MYL2: variants seen among roughly 807,000 people sequenced by gnomAD.
MYL2 encodes the protein myosin light chain 2, also known as myosin regulatory light chain 2, ventricular/cardiac muscle isoform.
In MYL2, 19 loss-of-function variants were observed where a neutral mutation model predicts 23.0. The ratio of observed to expected loss-of-function variants is 0.83; its 90% CI spans 0.58 to 1.21. The LOEUF is 1.21. Ranked by LOEUF, MYL2 falls within the 50% of genes most tolerant of loss-of-function variation. MYL2 has a pLI of 0.00. For synonymous variants in MYL2, 78 were observed against 76.2 expected, an observed-to-expected ratio of 1.02 and a Z score of -0.13; for missense variants, 180 against 215.1, an observed-to-expected ratio of 0.84 and a Z score of 1.02.
In MYL2 at chr12:110,918,063, A is replaced by G. The variant is rs1204777920; in HGVS notation, c.93+1041T>C. On this transcript the variant is annotated intron_variant, in intron 2 of 6. Transcript: ENST00000228841. The surrounding 1 kb of genome is among the most constrained non-coding windows in gnomAD (Gnocchi z 4.4). ...GTGCCACTGCACTCTAGCCTGGGTG[A>G]CAGAGCGAGACTCTGTCACACGCAC... is the stretch of plus-strand genomic sequence containing the variant. Among the ~76,000 whole-genome samples, 1 of 152,180 alleles carries G rather than the reference A, an allele frequency of 6.6e-6. No homozygotes were observed. Among genetic ancestry groups the G allele is most frequent in the African/African-American group, 2.4e-5 (1 of 41,442 alleles).
chr12:110,919,034 G>T, intron 2 of MYL2, 70 bp downstream of exon 2: 1 of 1,436,616 alleles, frequency 7.0e-7, no homozygotes, highest in Non-Finnish European at 9.8e-7. Context: ...TGGGAATATG[G>T]AACAAAAAGA....
At chr12:110,911,629 T>C (rs754444146) in intron 6 of MYL2, among the ~76,000 whole-genome samples, 105 of 152,120 alleles carry the variant, frequency 6.9e-4, no homozygotes, top group Admixed American at 1.2e-3. Flanking sequence ...GTAAACATCA[T>C]GCAGAGATGT....
intron 6 of MYL2, among the ~76,000 whole-genome samples, chr12:110,912,059 A>C (rs2071656320): frequency 6.6e-6 from 1 of 152,202 alleles, no homozygotes; most frequent in Non-Finnish European, 1.5e-5. Context: ...AGCAGGTGGA[A>C]AGTGAAGGCA....
intron 2 of MYL2, among the ~76,000 whole-genome samples, chr12:110,916,759 C>G (rs1285669984): frequency 6.6e-6 from 1 of 152,114 alleles, no homozygotes; most frequent in Non-Finnish European, 1.5e-5. Context: ...GGTTGCACAA[C>G]TTTGTGAGTA....
Position 110,918,483 on chromosome 12 carries a change from G to A in MYL2, c.93+621C>T, listed in dbSNP as rs951936927. Among the ~76,000 whole-genome samples, 13 of 152,090 alleles carry A rather than the reference G, an allele frequency of 8.5e-5. No homozygotes were observed. The highest frequency in any genetic ancestry group is 1.3e-4 in the Non-Finnish European group (9 of 68,020). On this transcript the variant is annotated intron_variant, in intron 2 of 6. Coordinates refer to ENST00000228841, the MANE Select transcript of MYL2 (RefSeq NM_000432.4). This position sits in a 1 kb window ranked among gnomAD's most constrained non-coding sequence, Gnocchi z 4.4. Reference sequence around the variant, plus strand: ...GTGCTGTGATTTTGGGGGGCAATTCGGACCAGCAGTTCTGCCTGTTTTTAG... The same window carrying A: ...GTGCTGTGATTTTGGGGGGCAATTCAGACCAGCAGTTCTGCCTGTTTTTAG...
chr12:110,915,647 C>T, intron 3 of MYL2, 68 bp downstream of exon 3: 1 of 1,498,874 alleles, frequency 6.7e-7, no homozygotes, highest in South Asian at 1.1e-5. Context: ...TTCTGATGGT[C>T]CCACCTCCTG....
chr12:110,919,730 C>A (rs1381820307), intron 1 of MYL2, among the ~76,000 whole-genome samples: 1 of 152,196 alleles, frequency 6.6e-6, no homozygotes, highest in African/African-American at 2.4e-5. Context: ...AATGCTCCGT[C>A]CTTGCACCAC....
chr12:110,911,229 A>T, intron 6 of MYL2, 54 bp from the exon 7 acceptor site: 10 of 211,276 alleles, frequency 4.7e-5, no homozygotes, highest in East Asian at 8.4e-5. Context: ...ACTGAGACGG[A>T]GGGTGGGGGG....
Position 110,910,911 on chromosome 12 carries a change from C to T in MYL2, c.*166G>A, listed in dbSNP as rs376236989. The T allele has an allele frequency of 2.5e-4, 170 of 682,596 alleles. 1 individual carries two copies. In the East Asian group the frequency reaches 4.4e-3, roughly 18 times the overall value. The allele number at this position is 682,596 out of a possible 1,614,324, so 42.3% of individuals were successfully genotyped here. A position where few individuals can be genotyped will look rare whatever the true frequency, so the allele number is the denominator to read the frequency against. On this transcript the variant is annotated 3_prime_UTR_variant, in exon 7 of 7. Coordinates refer to ENST00000228841, the MANE Select transcript of MYL2 (RefSeq NM_000432.4). ...TTTCCAACTGTAGGATGTGCGGCCA[C>T]GAAGTACCCATAGCCACCCAGGCTG...
At chr12:110,915,619 T>C in intron 3 of MYL2, 96 bp downstream of exon 3, 1 of 1,266,000 alleles carries the variant, frequency 7.9e-7, no homozygotes, top group Non-Finnish European at 1.2e-6. Context: ...CTTTGGGAAA[T>C]GACACCATCT....
chr12:110,915,924 A>G, intron 2 of MYL2, 134 bp from the exon 3 acceptor site: 1 of 795,618 alleles, frequency 1.3e-6, no homozygotes, highest in Non-Finnish European at 2.3e-6. Context: ...ATTAAAAGTC[A>G]ACAATTGAAG....
At chr12:110,921,153 G>A (rs1263542948), upstream of MYL2, among the ~76,000 whole-genome samples, 1 of 152,200 alleles carries the variant, frequency 6.6e-6, no homozygotes, top group Non-Finnish European at 1.5e-5. Context: ...GAGCCTAGGA[G>A]TTTGCGACCA....
rs1480203043 is a variant in MYL2 at position 110,918,255 on chromosome 12, G to A, written c.93+849C>T. Among the ~76,000 whole-genome samples, 1 of 152,098 alleles carries A rather than the reference G, an allele frequency of 6.6e-6. No homozygotes were observed. The highest frequency in any genetic ancestry group is 2.4e-5 in the African/African-American group (1 of 41,398). Reference sequence around the variant, plus strand: ...TGCAGTTTGGCCTAATTGGTACTTTGGTTCTCTTCATAAGGTCCATTGCCA... The same window carrying A: ...TGCAGTTTGGCCTAATTGGTACTTTAGTTCTCTTCATAAGGTCCATTGCCA... On this transcript the variant is annotated intron_variant, in intron 2 of 6. Coordinates refer to ENST00000228841, the MANE Select transcript of MYL2 (RefSeq NM_000432.4). This position sits in a 1 kb window ranked among gnomAD's most constrained non-coding sequence, Gnocchi z 4.4.
intron 4 of MYL2, 58 bp downstream of exon 4, chr12:110,914,128 C>A (rs148639029): frequency 0.014 from 17,765 of 1,284,110 alleles, 196 homozygotes; most frequent in Non-Finnish European, 0.015. Flanking sequence ...TTCTGCCAGC[C>A]CCCCCGAAGA....
chr12:110,914,474 A>T, intron 3 of MYL2, 184 bp from the exon 4 acceptor site: 8 of 618,132 alleles, frequency 1.3e-5, no homozygotes, highest in Non-Finnish European at 8.8e-6. Context: ...TAATAACCAA[A>T]TGACTGGAAG....
intron 2 of MYL2, among the ~76,000 whole-genome samples, chr12:110,916,660 G>A (rs1407138155): frequency 6.6e-6 from 1 of 152,146 alleles, no homozygotes; most frequent in African/African-American, 2.4e-5. Context: ...AGGGGCTGGT[G>A]GGAGAGGGAG....
At chr12:110,914,442 A>T in intron 3 of MYL2, 152 bp from the exon 4 acceptor site, 14 of 641,364 alleles carry the variant, frequency 2.2e-5, no homozygotes, top group Admixed American at 2.1e-5. Context: ...TTCTGAGAAG[A>T]TGTTCTTGAC....
chr12:110,914,159 G>GACACACAC, intron 4 of MYL2, 27 bp downstream of exon 4: 2 of 1,376,720 alleles, frequency 1.5e-6, no homozygotes, highest in Non-Finnish European at 2.0e-6. Context: ...CATACACACA[G>GACACACAC]ACACACACAC....
intron 3 of MYL2, 31 bp downstream of exon 3, chr12:110,915,684 C>A: frequency 6.2e-6 from 10 of 1,604,904 alleles, no homozygotes; most frequent in Non-Finnish European, 8.5e-6. Flanking sequence ...GATAAAGAGA[C>A]CCTCATGCAG....
Sources: allele counts gnomAD v4.1 joint callset (sites outside exome capture counted in the v4.1 genomes callset), GRCh38; gene constraint gnomAD v4.1.1; non-coding constraint Gnocchi (gnomAD v3.1); transcripts MANE v1.5; gene names NCBI Gene and HGNC (gene_info 2026-07-23, HGNC 2026-07-21).